Variants in TENM2 observed in about 807,000 individuals in gnomAD.
The protein encoded by TENM2 is teneurin transmembrane protein 2, also known as teneurin-2.
A neutral mutation model predicts 245.2 loss-of-function variants in TENM2; 52 were observed. The observed-to-expected ratio is 0.21, with a 90% CI of 0.17 to 0.27. The LOEUF (loss-of-function observed/expected upper bound fraction) is 0.27. TENM2 is among the 10% of genes least tolerant of loss of function. The pLI is 1.00. For missense variants in TENM2, 3,046 were observed against 3,666.8 expected, an observed-to-expected ratio of 0.83 and a Z score of 4.37; for synonymous variants, 1,363 against 1,438.9, an observed-to-expected ratio of 0.95 and a Z score of 1.19.
the TENM2 span, among the ~76,000 whole-genome samples, chr5:167,146,918 AT>A: frequency 1.3e-5 from 2 of 152,162 alleles, no homozygotes; most frequent in African/African-American, 4.8e-5. Flanking sequence ...ATAGAGTATT[AT>A]TTTTAGGACA....
intron 3 of TENM2, among the ~76,000 whole-genome samples, chr5:167,896,124 G>A (rs1237056508): frequency 2.6e-5 from 4 of 152,212 alleles, no homozygotes; most frequent in Non-Finnish European, 2.9e-5. Flanking sequence ...ATGGCACATC[G>A]CGGCCCTCCC....
chr5:168,142,611 A>G (rs897871520), intron 12 of TENM2, among the ~76,000 whole-genome samples: 1 of 152,346 alleles, frequency 6.6e-6, no homozygotes, highest in Non-Finnish European at 1.5e-5. Context: ...TAAAGAAGGT[A>G]GTTGAAGCCA....
the TENM2 span, among the ~76,000 whole-genome samples, chr5:167,084,327 T>TTATTTATATA: frequency 4.3e-5 from 1 of 23,170 alleles, no homozygotes; most frequent in African/African-American, 9.0e-5. Flanking sequence ...GCCATTTTAG[T>TTATTTATATA]TATATATATA....
At chr5:167,692,822 A>G (rs1757518489) in intron 2 of TENM2, among the ~76,000 whole-genome samples, 1 of 152,218 alleles carries the variant, frequency 6.6e-6, no homozygotes, top group Non-Finnish European at 1.5e-5. Context: ...CTAGAATGGC[A>G]TCAATGCACA....
intron 22 of TENM2, 61 bp downstream of exon 24, chr5:168,216,983 A>T: frequency 6.3e-7 from 1 of 1,575,978 alleles, no homozygotes; most frequent in Non-Finnish European, 8.6e-7. Context: ...TGAGGTTCTT[A>T]CCTGTTTCCT....
chr5:167,444,092 A>G (rs1287731028), intron 2 of TENM2, among the ~76,000 whole-genome samples: 1 of 152,168 alleles, frequency 6.6e-6, no homozygotes, highest in Non-Finnish European at 1.5e-5. Context: ...GTAGATAAGT[A>G]AGATAGTCTC....
In TENM2 at chr5:167,908,362, CT is replaced by C. The variant is rs1451246160; in HGVS notation, c.712+32168del. ...CCTCTCCCCTCTCCTCCCCTCCCCC[CT>C]CTTCTCCTCTCCCCTCCCTTCCCCT... On this transcript the variant is annotated intron_variant, in intron 3 of 28. Transcript: ENST00000518659. 1.1e-4 allele frequency among the ~76,000 whole-genome samples: 12 copies of C among 112,064 alleles called. 1 individual carries two copies. Among genetic ancestry groups the C allele is most frequent in the Non-Finnish European group, 3.8e-5 (2 of 52,532 alleles). 73.5% of individuals were successfully genotyped at this position (112,064 alleles called of 152,430 possible). A position where few individuals can be genotyped will look rare whatever the true frequency, so the allele number is the denominator to read the frequency against.
chr5:167,382,946 A>G (rs1330443555), intron 2 of TENM2, among the ~76,000 whole-genome samples: 6 of 152,102 alleles, frequency 3.9e-5, no homozygotes, highest in Non-Finnish European at 8.8e-5. Flanking sequence ...ATATAAAACT[A>G]TGTGTTGTTT....
intron 3 of TENM2, among the ~76,000 whole-genome samples, chr5:167,878,618 T>A (rs1773626224): frequency 6.6e-6 from 1 of 151,862 alleles, no homozygotes; most frequent in South Asian, 2.1e-4. Flanking sequence ...TCTTGTGGAA[T>A]GGGTTTAAGG....
chr5:166,997,167 C>A, the TENM2 span, among the ~76,000 whole-genome samples: 2 of 152,142 alleles, frequency 1.3e-5, no homozygotes, highest in Non-Finnish European at 2.9e-5. Flanking sequence ...ATCTGCCCAC[C>A]ATGCCAGCGA....
At chr5:167,258,440 G>C in the TENM2 span, among the ~76,000 whole-genome samples, 1 of 152,012 alleles carries the variant, frequency 6.6e-6, no homozygotes, top group Non-Finnish European at 1.5e-5. Context: ...TGGTTGCATT[G>C]CTGGCTCCCA....
At chr5:167,005,533 C>A in the TENM2 span, among the ~76,000 whole-genome samples, 16 of 151,292 alleles carry the variant, frequency 1.1e-4, no homozygotes, top group East Asian at 2.9e-3. Context: ...CTATACTGAA[C>A]TTTTAACTCA....
chr5:167,182,814 A>G, the TENM2 span, among the ~76,000 whole-genome samples: 1 of 152,172 alleles, frequency 6.6e-6, no homozygotes, highest in African/African-American at 2.4e-5. Flanking sequence ...AATGATAATA[A>G]TAACCTCGTG....
the TENM2 span, chr5:167,119,395 T>A: frequency 6.6e-6 from 1 of 152,178 alleles, no homozygotes; most frequent in Admixed American, 6.5e-5. Context: ...GTAATCCGCA[T>A]TTAGTCCATT....
the TENM2 span, among the ~76,000 whole-genome samples, chr5:167,037,667 C>A: frequency 6.6e-6 from 1 of 152,102 alleles, no homozygotes; most frequent in Non-Finnish European, 1.5e-5. Flanking sequence ...ACTGCTTTTG[C>A]CACCCCAAGA....
intron 4 of TENM2, among the ~76,000 whole-genome samples, chr5:167,982,965 TTTC>T (rs1782954514): frequency 6.6e-6 from 1 of 152,196 alleles, no homozygotes. Context: ...GTGTGCATTT[TTTC>T]TTCATCTACC....
intron 2 of TENM2, among the ~76,000 whole-genome samples, chr5:167,768,616 A>G (rs568572699): frequency 2.0e-5 from 3 of 152,270 alleles, no homozygotes; most frequent in South Asian, 2.1e-4. Context: ...GGGGATCCCA[A>G]GCTCTAAAGT....
chr5:167,219,531 T>C, the TENM2 span, among the ~76,000 whole-genome samples: 7 of 152,328 alleles, frequency 4.6e-5, no homozygotes, highest in South Asian at 1.0e-3. Flanking sequence ...GCCATTGTTC[T>C]TATGAAAATT....
chr5:167,383,390 G>T (rs1036933641), intron 2 of TENM2, among the ~76,000 whole-genome samples: 1 of 152,014 alleles, frequency 6.6e-6, no homozygotes, highest in Admixed American at 6.6e-5. Flanking sequence ...AACCAATGAT[G>T]CTGTCTCACC....
Sources: allele counts gnomAD v4.1 joint callset (sites outside exome capture counted in the v4.1 genomes callset), GRCh38; gene constraint gnomAD v4.1.1; transcripts MANE v1.5; gene names NCBI Gene and HGNC (gene_info 2026-07-23, HGNC 2026-07-21).